MBNL1: variants seen among roughly 807,000 people sequenced by gnomAD.
MBNL1 encodes muscleblind like splicing regulator 1, also known as muscleblind-like protein 1.
MBNL1 carries 8 observed loss-of-function variants against 42.2 expected under a neutral mutation model. The observed-to-expected ratio is 0.19, with a 90% CI of 0.11 to 0.34. MBNL1 has a LOEUF of 0.34. MBNL1 is among the 10% of genes least tolerant of loss of function. The pLI is 1.00. For missense variants in MBNL1, 309 were observed against 495.3 expected, an observed-to-expected ratio of 0.62 and a Z score of 3.57; for synonymous variants, 169 against 173.9, an observed-to-expected ratio of 0.97 and a Z score of 0.22.
intron 2 of MBNL1, among the ~76,000 whole-genome samples, chr3:152,345,776 C>G (rs1030142390): frequency 6.6e-6 from 1 of 152,126 alleles, no homozygotes; most frequent in Admixed American, 6.6e-5. Context: ...GGCTCAAACC[C>G]TAGTTCTGCC....
chr3:152,319,214 G>T (rs1301315716), intron 2 of MBNL1, among the ~76,000 whole-genome samples: 5 of 152,148 alleles, frequency 3.3e-5, no homozygotes, highest in Non-Finnish European at 5.9e-5. Context: ...CATTTTAAAA[G>T]ATTGCTTGTG....
chr3:152,342,128 G>T (rs1347048101), intron 2 of MBNL1, among the ~76,000 whole-genome samples: 1 of 152,146 alleles, frequency 6.6e-6, no homozygotes, highest in Non-Finnish European at 1.5e-5. Context: ...TCAAACTCAG[G>T]AAGTGTGGCT....
intron 2 of MBNL1, among the ~76,000 whole-genome samples, chr3:152,383,773 T>C (rs1216901892): frequency 6.6e-6 from 1 of 152,060 alleles, no homozygotes; most frequent in Non-Finnish European, 1.5e-5. Flanking sequence ...GTTGCTGCCA[T>C]GTTGGAAAAA....
At chr3:152,346,845 A>T in intron 2 of MBNL1, among the ~76,000 whole-genome samples, 1 of 150,740 alleles carries the variant, frequency 6.6e-6, no homozygotes, top group East Asian at 2.0e-4. Flanking sequence ...ACATTGTCCC[A>T]GTCTGCATTA....
In MBNL1 at chr3:152,445,355, G is replaced by A; in HGVS notation, c.623G>A (p.Ser208Asn). 1 of 1,614,064 alleles carries A rather than the reference G, an allele frequency of 6.2e-7. No individual in the cohort carries two copies. The highest frequency in any genetic ancestry group is 8.5e-7 in the Non-Finnish European group (1 of 1,179,956). Residue 208 changes from serine to asparagine, a missense_variant, in exon 5 of 10, where the codon AGC becomes AAC. Transcript: ENST00000324210. Reference sequence around the variant, plus strand: ...TGTCGGTTTGCTCATCCTGCTGACAGCACAATGATTGACACCAATGACAAC... The same window carrying A: ...TGTCGGTTTGCTCATCCTGCTGACAACACAATGATTGACACCAATGACAAC... ...NDCRFAHPADSTMIDTNDNTV... is the reference protein window; with the variant it reads ...NDCRFAHPADNTMIDTNDNTV...
chr3:152,359,788 C>T (rs2095804963), intron 2 of MBNL1, among the ~76,000 whole-genome samples: 2 of 152,138 alleles, frequency 1.3e-5, no homozygotes. Flanking sequence ...TAGAAAATTC[C>T]TCAGTGATTC....
At position 152,269,047 on chromosome 3, in the gene MBNL1, G is replaced by T; in HGVS notation, c.-835G>T. On this transcript the variant is annotated 5_prime_UTR_variant, in exon 1 of 10. Coordinates refer to ENST00000324210, the MANE Select transcript of MBNL1 (RefSeq NM_021038.5). Reference sequence around the variant, plus strand: ...AATCATGACTCCCACAATGCCTTGGGCACTTGGTCGACAGTGGGGCCGCCT... The same window carrying T: ...AATCATGACTCCCACAATGCCTTGGTCACTTGGTCGACAGTGGGGCCGCCT... 2.2e-6 allele frequency: 1 copy of T among 456,112 alleles called. No homozygotes were observed. Among genetic ancestry groups the T allele is most frequent in the South Asian group, 1.5e-5 (1 of 64,558 alleles). 28.3% of individuals were successfully genotyped at this position (456,112 alleles called of 1,614,324 possible). A position where few individuals can be genotyped will look rare whatever the true frequency, so the allele number is the denominator to read the frequency against.
intron 2 of MBNL1, among the ~76,000 whole-genome samples, chr3:152,409,609 G>A (rs1285059729): frequency 6.6e-6 from 1 of 152,106 alleles, no homozygotes; most frequent in Admixed American, 6.5e-5. Flanking sequence ...GGAAATCTTG[G>A]TTTTAACAAT....
intron 4 of MBNL1, among the ~76,000 whole-genome samples, chr3:152,443,452 C>A (rs1319409479): frequency 7.4e-6 from 1 of 134,348 alleles, no homozygotes; most frequent in African/African-American, 2.8e-5. Context: ...AGAAAAGTAG[C>A]CCTTTCGTTT....
chr3:152,353,965 A>AAG (rs1434196634), intron 2 of MBNL1, among the ~76,000 whole-genome samples: 1 of 152,148 alleles, frequency 6.6e-6, no homozygotes, highest in Non-Finnish European at 1.5e-5. Context: ...GTTTAAGTGA[A>AAG]AGAGGTAATT....
intron 2 of MBNL1, among the ~76,000 whole-genome samples, chr3:152,401,300 TTATTC>T (rs1264510193): frequency 6.6e-6 from 1 of 152,210 alleles, no homozygotes; most frequent in Non-Finnish European, 1.5e-5. Context: ...TACTGTGAGT[TTATTC>T]TACTTGGCAA....
intron 1 of MBNL1, among the ~76,000 whole-genome samples, chr3:152,289,938 C>A (rs1047017081): frequency 2.6e-5 from 4 of 151,924 alleles, no homozygotes; most frequent in African/African-American, 4.8e-5. Flanking sequence ...TCGAGCAATT[C>A]CATACTCATT....
At chr3:152,372,421 A>G (rs2096707753) in intron 2 of MBNL1, among the ~76,000 whole-genome samples, 1 of 152,060 alleles carries the variant, frequency 6.6e-6, no homozygotes, top group Non-Finnish European at 1.5e-5. Context: ...GTTTTTCCTC[A>G]TCTCCCTGGA....
At chr3:152,458,363 A>G in intron 8 of MBNL1, 1 of 599,500 alleles carries the variant, frequency 1.7e-6, no homozygotes, top group Non-Finnish European at 3.0e-6. Context: ...CTAAATTGAA[A>G]GAACAGCAAC....
rs1488063452 is a variant in MBNL1 at position 152,462,969 on chromosome 3, C to A, written c.*603C>A. The A allele has an allele frequency of 6.6e-6, 1 of 152,452 alleles. No homozygotes were observed. The highest frequency in any genetic ancestry group is 6.6e-5 in the Admixed American group (1 of 15,248). The allele number at this position is 152,452 out of a possible 1,614,324, so 9.4% of individuals were successfully genotyped here. A position where few individuals can be genotyped will look rare whatever the true frequency, so the allele number is the denominator to read the frequency against. On this transcript the variant is annotated 3_prime_UTR_variant, in exon 10 of 10. Coordinates refer to ENST00000324210, the MANE Select transcript of MBNL1 (RefSeq NM_021038.5). The stretch of plus-strand genomic sequence containing the variant: ...ATGAATGTGCCAAGCAAAACCACAA[C>A]TGTGTATATTTTAAAGCACATCATG...
In MBNL1 at chr3:152,430,604, C is replaced by T. The variant is rs377744542; in HGVS notation, c.346-2113C>T. On this transcript the variant is annotated intron_variant, in intron 3 of 9. Coordinates refer to ENST00000324210, the MANE Select transcript of MBNL1 (RefSeq NM_021038.5). ...AATGTATAACAAAGTACAAGTTTAA[C>T]CTGAATATCCTTGAATAGAAATCCA... Among the ~76,000 whole-genome samples, 93 of 152,228 alleles carry T rather than the reference C, an allele frequency of 6.1e-4. No individual in the cohort carries two copies. In the South Asian group the frequency reaches 0.019, roughly 31 times the overall value.
chr3:152,337,942 T>G (rs1217583804), intron 2 of MBNL1: 1 of 224,914 alleles, frequency 4.4e-6, no homozygotes, highest in Admixed American at 6.5e-5. Context: ...TAATTCCCAA[T>G]AATGTTGCCT....
Position 152,447,679 on chromosome 3 carries a change from C to G in MBNL1, c.867C>G (p.Asn289Lys), listed in dbSNP as rs1205352432. Reference protein sequence around the residue: ...LPKRPALEKTNGATAVFNTGI... With the variant: ...LPKRPALEKTKGATAVFNTGI... ...AGAGGCCTGCTCTTGAAAAAACCAACGGTGCCACCGCAGTCTTTAACACTG... is the reference window on the plus strand; with the variant it reads ...AGAGGCCTGCTCTTGAAAAAACCAAGGGTGCCACCGCAGTCTTTAACACTG... The change falls in exon 6 of 10, where the codon AAC (asparagine) becomes AAG (lysine). Residue 289 changes from asparagine to lysine, a missense_variant. By Grantham distance (94) the Asn-to-Lys change is moderately conservative (BLOSUM62 0). Coordinates refer to ENST00000324210, the MANE Select transcript of MBNL1 (RefSeq NM_021038.5). 6.2e-7 allele frequency: 1 copy of G among 1,613,146 alleles called. No individual in the cohort carries two copies. Among genetic ancestry groups the G allele is most frequent in the East Asian group, 2.2e-5 (1 of 44,836 alleles).
rs191620519 is a variant in MBNL1 at position 152,283,193 on chromosome 3, G to A, written c.-790+14101G>A. ...TAATTCAATGCAGCCATCTTTCATT[G>A]TAATGTTTATTGGGGAATGAGCTTT... On this transcript the variant is annotated intron_variant, in intron 1 of 9. Transcript: ENST00000324210. Among the ~76,000 whole-genome samples the A allele has an allele frequency of 2.0e-4, 30 of 152,286 alleles. No individual in the cohort carries two copies. In the East Asian group the frequency reaches 2.1e-3, roughly 11 times the overall value.
Sources: allele counts gnomAD v4.1 joint callset (sites outside exome capture counted in the v4.1 genomes callset), GRCh38; gene constraint gnomAD v4.1.1; transcripts MANE v1.5; gene names NCBI Gene and HGNC (gene_info 2026-07-23, HGNC 2026-07-21).